The following KAZN variants were observed in gnomAD, a reference collection of about 807,000 sequenced individuals.
The protein encoded by KAZN is kazrin, periplakin interacting protein.
A neutral mutation model predicts 87.4 loss-of-function variants in KAZN; 40 were observed. The ratio of observed to expected loss-of-function variants is 0.46; its 90% confidence interval spans 0.36 to 0.60. The LOEUF is 0.60. KAZN is among the 20% of genes least tolerant of loss of function. The pLI, the probability that KAZN is intolerant of heterozygous loss-of-function variation, is 0.00. For synonymous variants in KAZN, 466 were observed against 458.3 expected (o/e 1.02, Z -0.22); for missense variants, 898 against 1,073.9 (o/e 0.84, Z 2.29).
intron 1 of KAZN, among the ~76,000 whole-genome samples, chr1:14,789,607 A>T (rs1380720895): frequency 6.6e-6 from 1 of 151,820 alleles, no homozygotes; most frequent in Non-Finnish European, 1.5e-5. Context: ...CTGTGATCAG[A>T]TGGGACCTGG....
At chr1:14,259,549 C>T (rs556652525) in intron 2 of KAZN, among the ~76,000 whole-genome samples, 117 of 152,286 alleles carry the variant, frequency 7.7e-4, no homozygotes, top group African/African-American at 2.6e-3. Flanking sequence ...GCAAGACCTC[C>T]GTCCATCACA....
Position 14,539,785 on chromosome 1 carries a change from G to T in KAZN, c.250-59198G>T, listed in dbSNP as rs114891040. 3.4e-3 allele frequency among the ~76,000 whole-genome samples: 513 copies of T among 151,424 alleles called. 5 individuals carry two copies. Among genetic ancestry groups the T allele is most frequent in the African/African-American group, 0.011 (467 of 41,316 alleles). ...CATTTTCTGTTATCTCCAAGAATTA[G>T]TGCCTATTTGCCATCAGAACCTAAA... On this transcript the variant is annotated intron_variant, in intron 2 of 16. Transcript: ENST00000636203.
intron 2 of KAZN, among the ~76,000 whole-genome samples, chr1:15,024,119 C>T (rs1227554838): frequency 6.6e-6 from 1 of 151,972 alleles, no homozygotes; most frequent in Non-Finnish European, 1.5e-5. Flanking sequence ...GGGATGAGGT[C>T]CAGGCTGAAG....
At chr1:14,072,530 G>A (rs962912658) in intron 1 of KAZN, among the ~76,000 whole-genome samples, 5 of 152,228 alleles carry the variant, frequency 3.3e-5, no homozygotes, top group African/African-American at 4.8e-5. Flanking sequence ...AATACTACTC[G>A]TCTCCTAGGG....
At chr1:14,766,947 G>A (rs1378875005) in intron 1 of KAZN, among the ~76,000 whole-genome samples, 2 of 152,000 alleles carry the variant, frequency 1.3e-5, no homozygotes, top group African/African-American at 4.8e-5. Flanking sequence ...TGTGGTCTAG[G>A]GGAAAATAAG....
chr1:14,667,485 A>C (rs143649764), intron 1 of KAZN, among the ~76,000 whole-genome samples: 100 of 152,334 alleles, frequency 6.6e-4, no homozygotes, highest in African/African-American at 2.2e-3. Context: ...TGTTCTCTGA[A>C]CCACGTTCAT....
chr1:15,001,461 G>A (rs925094761), intron 2 of KAZN, among the ~76,000 whole-genome samples: 32 of 145,752 alleles, frequency 2.2e-4, no homozygotes, highest in African/African-American at 8.1e-4. Flanking sequence ...GCGAAAATCT[G>A]TCTCAAAAAA....
intron 1 of KAZN, among the ~76,000 whole-genome samples, chr1:14,800,540 C>T (rs202158292): frequency 1.1e-4 from 16 of 152,070 alleles, no homozygotes; most frequent in East Asian, 5.8e-4. Context: ...ATCTCTACTA[C>T]AAAACATTAA....
At chr1:14,562,178 T>C (rs1486828161) in intron 2 of KAZN, among the ~76,000 whole-genome samples, 1 of 152,214 alleles carries the variant, frequency 6.6e-6, no homozygotes, top group Non-Finnish European at 1.5e-5. Flanking sequence ...CCAGCTAATT[T>C]GGAGCTATTC....
intron 2 of KAZN, among the ~76,000 whole-genome samples, chr1:14,438,386 T>A (rs1431455655): frequency 6.6e-6 from 1 of 152,150 alleles, no homozygotes; most frequent in African/African-American, 2.4e-5. Flanking sequence ...ACATATGACA[T>A]GTCAGATGGG....
At chr1:14,114,467 C>T (rs941778017) in intron 1 of KAZN, among the ~76,000 whole-genome samples, 1 of 152,006 alleles carries the variant, frequency 6.6e-6, no homozygotes, top group Non-Finnish European at 1.5e-5. Context: ...CTCTCGAGCC[C>T]CCTATTCCAG....
intron 2 of KAZN, among the ~76,000 whole-genome samples, chr1:14,399,049 A>G (rs967033905): frequency 6.6e-6 from 1 of 152,196 alleles, no homozygotes; most frequent in African/African-American, 2.4e-5. Flanking sequence ...GTTTTGAGAC[A>G]GAGTCTCACT....
intron 1 of KAZN, among the ~76,000 whole-genome samples, chr1:14,629,492 C>A (rs1329986744): frequency 6.6e-6 from 1 of 152,292 alleles, no homozygotes; most frequent in African/African-American, 2.4e-5. Flanking sequence ...TCGCAGGCTG[C>A]GAGCACCCCA....
At chr1:14,787,536 G>A (rs1455128090) in intron 1 of KAZN, among the ~76,000 whole-genome samples, 2 of 152,188 alleles carry the variant, frequency 1.3e-5, no homozygotes, top group African/African-American at 4.8e-5. Flanking sequence ...TTAAATGTTT[G>A]AACAAATGCA....
chr1:14,286,846 A>C (rs1653290150), intron 2 of KAZN, among the ~76,000 whole-genome samples: 2 of 152,160 alleles, frequency 1.3e-5, no homozygotes, highest in Non-Finnish European at 2.9e-5. Context: ...TAGTCTTTAA[A>C]TTTGTAGGCC....
At chr1:14,518,350 T>C (rs916690440) in intron 2 of KAZN, among the ~76,000 whole-genome samples, 11 of 152,068 alleles carry the variant, frequency 7.2e-5, no homozygotes, top group Admixed American at 5.9e-4. Flanking sequence ...CTAATTTTTG[T>C]ACTTTTAGTA....
intron 1 of KAZN, among the ~76,000 whole-genome samples, chr1:14,624,166 A>T (rs1281639098): frequency 1.3e-5 from 2 of 152,186 alleles, no homozygotes; most frequent in African/African-American, 2.4e-5. Flanking sequence ...CTCATGCCTG[A>T]AATCCCAGCA....
At chr1:14,420,594 G>A (rs931923010) in intron 2 of KAZN, among the ~76,000 whole-genome samples, 3 of 152,218 alleles carry the variant, frequency 2.0e-5, no homozygotes, top group South Asian at 2.1e-4. Flanking sequence ...AGGAGCCCAC[G>A]GCAGGAGTGG....
chr1:14,910,058 A>G (rs61773604), intron 1 of KAZN, among the ~76,000 whole-genome samples: 1 of 122,850 alleles, frequency 8.1e-6, no homozygotes, highest in Non-Finnish European at 1.8e-5. Context: ...CTCAATAAAT[A>G]AATAATGAAT....
Sources: gnomAD v4.1 joint callset for allele counts (sites outside exome capture counted in the v4.1 genomes callset) on GRCh38, gnomAD v4.1.1 for gene constraint, MANE v1.5 for transcripts, NCBI Gene and HGNC (gene_info 2026-07-23, HGNC 2026-07-21) for gene names.